XRCC4: variants seen among roughly 807,000 people sequenced by gnomAD.
XRCC4 encodes X-ray repair cross complementing 4.
XRCC4 carries 28 observed loss-of-function variants against 39.1 expected under a neutral mutation model. The ratio of observed to expected loss-of-function variants is 0.72; its 90% confidence interval spans 0.53 to 0.98. XRCC4 has a LOEUF of 0.98. Ranked by LOEUF, XRCC4 falls within the 50% of genes least tolerant of loss-of-function variation. XRCC4 has a pLI of 0.00. For synonymous variants in XRCC4, 123 were observed against 126.4 expected, an observed-to-expected ratio of 0.97 and a Z score of 0.18; for missense variants, 350 against 376.4, an observed-to-expected ratio of 0.93 and a Z score of 0.58.
intron 7 of XRCC4, among the ~76,000 whole-genome samples, chr5:83,334,675 A>ATATATATATATATAT (rs67939423): frequency 2.1e-3 from 230 of 110,296 alleles, no homozygotes; most frequent in African/African-American, 8.5e-3. Flanking sequence ...ATGTGTGTGC[A>ATATATATATATATAT]TATATATATA....
At chr5:83,155,412 A>G (rs1561368145) in intron 3 of XRCC4, among the ~76,000 whole-genome samples, 1 of 152,214 alleles carries the variant, frequency 6.6e-6, no homozygotes, top group Non-Finnish European at 1.5e-5. Flanking sequence ...TCAACTGCAT[A>G]TAGTATTTAC....
chr5:83,288,216 G>A (rs1262628422), intron 7 of XRCC4, among the ~76,000 whole-genome samples: 1 of 151,850 alleles, frequency 6.6e-6, no homozygotes, highest in Middle Eastern at 3.2e-3. Context: ...TTCCATGTGA[G>A]CTTGAGAAGA....
At chr5:83,326,408 T>G (rs1561476778) in intron 7 of XRCC4, among the ~76,000 whole-genome samples, 1 of 152,094 alleles carries the variant, frequency 6.6e-6, no homozygotes, top group African/African-American at 2.4e-5. Flanking sequence ...AAGTGCCTAG[T>G]TTACTTAAGA....
At chr5:83,106,297 G>C (rs891511452) in intron 2 of XRCC4, among the ~76,000 whole-genome samples, 1 of 152,016 alleles carries the variant, frequency 6.6e-6, no homozygotes, top group Non-Finnish European at 1.5e-5. Context: ...TGGTCATCTG[G>C]GTAAGAAGAG....
chr5:83,253,469 C>T (rs1753405516), intron 6 of XRCC4, among the ~76,000 whole-genome samples: 2 of 150,874 alleles, frequency 1.3e-5, no homozygotes, highest in African/African-American at 2.5e-5. Context: ...CTGTGAATAA[C>T]ATGCTTCACT....
chr5:83,303,006 A>G (rs1006143390), intron 7 of XRCC4, among the ~76,000 whole-genome samples: 1 of 152,158 alleles, frequency 6.6e-6, no homozygotes, highest in African/African-American at 2.4e-5. Context: ...TGAGGTCAGG[A>G]GTTCGAGATT....
rs1753647093 is a variant in XRCC4 at position 83,258,747 on chromosome 5, T to A, written c.893+70T>A. Reference sequence around the variant, plus strand: ...AAAATCTAGCATATGATCTTAAAAATTATGTTTTCATTTTGAACGTTTTTA... The same window carrying A: ...AAAATCTAGCATATGATCTTAAAAAATATGTTTTCATTTTGAACGTTTTTA... On this transcript the variant is annotated intron_variant, in intron 7 of 7. Coordinates refer to ENST00000396027, the MANE Select transcript of XRCC4 (RefSeq NM_003401.5). 3 of 1,508,388 alleles carry A rather than the reference T, an allele frequency of 2.0e-6. No individual in the cohort carries two copies. The East Asian group carries it at 7.0e-5, about 35-fold the overall frequency. The allele number at this position is 1,508,388 out of a possible 1,614,324, so 93.4% of individuals were successfully genotyped here.
chr5:83,271,366 A>T (rs1754140106), intron 7 of XRCC4, among the ~76,000 whole-genome samples: 1 of 152,208 alleles, frequency 6.6e-6, no homozygotes, highest in Non-Finnish European at 1.5e-5. Context: ...AATAAGGGAA[A>T]TAATAATGTC....
chr5:83,360,085 G>T, the XRCC4 span, among the ~76,000 whole-genome samples: 2 of 152,088 alleles, frequency 1.3e-5, no homozygotes, highest in Admixed American at 6.6e-5. Context: ...AGAATAATAC[G>T]TATATTAATC....
rs775905126 is a variant in XRCC4 at position 83,195,812 on chromosome 5, GC to G, written c.359del (p.Ala120ValfsTer33). Reference protein sequence around the residue: ...SFNLEKVENPAEVIRELICYC... With the variant: ...SFNLEKVENPXEVIRELICYC... ...CAACCTAGAGAAAGTTGAAAACCCA[GC>G]TGAAGTCATTAGAGAACTTATTTGT... On this transcript the variant is annotated frameshift_variant, in exon 4 of 8. Coordinates refer to ENST00000396027, the MANE Select transcript of XRCC4 (RefSeq NM_003401.5). LOFTEE classifies it high-confidence loss of function. 6.2e-7 allele frequency: 1 copy of G among 1,610,120 alleles called. No homozygotes were observed. The highest frequency in any genetic ancestry group is 8.5e-7 in the Non-Finnish European group (1 of 1,177,770).
At chr5:83,083,170 A>T (rs376283867) in intron 1 of XRCC4, among the ~76,000 whole-genome samples, 23 of 152,118 alleles carry the variant, frequency 1.5e-4, no homozygotes, top group African/African-American at 5.5e-4. Context: ...TTCAGCGCTT[A>T]TCATTATTCT....
intron 6 of XRCC4, among the ~76,000 whole-genome samples, chr5:83,227,788 C>A (rs1454945106): frequency 6.6e-6 from 1 of 152,022 alleles, no homozygotes; most frequent in Non-Finnish European, 1.5e-5. Context: ...CTTTTTCTCT[C>A]ATGAGAAAAA....
intron 7 of XRCC4, among the ~76,000 whole-genome samples, chr5:83,289,441 G>A (rs532787587): frequency 6.6e-6 from 1 of 151,958 alleles, no homozygotes; most frequent in Non-Finnish European, 1.5e-5. Flanking sequence ...AATGTTTGTT[G>A]TAGCTGTAGG....
intron 6 of XRCC4, among the ~76,000 whole-genome samples, chr5:83,236,086 AAGAT>A (rs1343416764): frequency 2.6e-5 from 4 of 152,200 alleles, no homozygotes; most frequent in Admixed American, 6.5e-5. Context: ...AAAAAATGGA[AAGAT>A]AATCCATGTT....
At chr5:83,114,870 T>A (rs1746633719) in intron 3 of XRCC4, among the ~76,000 whole-genome samples, 1 of 152,094 alleles carries the variant, frequency 6.6e-6, no homozygotes, top group Non-Finnish European at 1.5e-5. Flanking sequence ...TACCCGAGGC[T>A]GGGTAGTTTA....
intron 3 of XRCC4, among the ~76,000 whole-genome samples, chr5:83,172,128 G>A (rs1749753806): frequency 6.6e-6 from 1 of 152,094 alleles, no homozygotes; most frequent in Admixed American, 6.6e-5. Flanking sequence ...ATTATTTTCA[G>A]TGTCTTGATC....
intron 3 of XRCC4, among the ~76,000 whole-genome samples, chr5:83,195,450 G>T (rs959250782): frequency 6.6e-6 from 1 of 152,094 alleles, no homozygotes; most frequent in Non-Finnish European, 1.5e-5. Flanking sequence ...TGAGCAGAGA[G>T]ACTTAAAATT....
intron 3 of XRCC4, among the ~76,000 whole-genome samples, chr5:83,124,150 G>A (rs534909603): frequency 4.0e-5 from 6 of 151,882 alleles, no homozygotes; most frequent in East Asian, 3.9e-4. Flanking sequence ...TTGTTGTTTC[G>A]GCATATAGTT....
intron 3 of XRCC4, among the ~76,000 whole-genome samples, chr5:83,123,578 A>C (rs1747115530): frequency 6.6e-6 from 1 of 151,760 alleles, no homozygotes; most frequent in Non-Finnish European, 1.5e-5. Flanking sequence ...AAAATCTACT[A>C]TCTCTGTTTG....
Sources: allele counts gnomAD v4.1 joint callset (sites outside exome capture counted in the v4.1 genomes callset), GRCh38; gene constraint gnomAD v4.1.1; transcripts MANE v1.5; gene names NCBI Gene and HGNC (gene_info 2026-07-23, HGNC 2026-07-21).